The following TSC1 variants were observed in gnomAD, a reference collection of about 807,000 sequenced individuals.
TSC1 encodes the protein TSC complex subunit 1.
In TSC1, 20 loss-of-function variants were observed where a neutral mutation model predicts 124.3. The observed-to-expected ratio is 0.16, with a 90% CI of 0.11 to 0.23. The LOEUF (loss-of-function observed/expected upper bound fraction) is 0.23, where lower values mean the gene tolerates loss of function less well. Ranked by LOEUF, TSC1 falls within the 10% of genes least tolerant of loss-of-function variation. TSC1 has a pLI of 1.00. For missense variants in TSC1, 1,124 were observed against 1,448.5 expected (o/e 0.78, Z 3.64); for synonymous variants, 493 against 539.1 (o/e 0.91, Z 1.19).
chr9:132,896,374 G>A lies in TSC1; in HGVS notation c.3356C>T (p.Thr1119Ile), dbSNP rs775420987. ...CACACCCAAGTCTTTGCCCAGTTCT[G>A]TCTTTAGGCTCTCAGAAAGGCTACT... Reference protein sequence around the residue: ...MTSSLSESLKTELGKDLGVEA... With the variant: ...MTSSLSESLKIELGKDLGVEA... Residue 1119 changes from threonine (T) to isoleucine (I), a missense_variant, in exon 23 of 23, where the codon ACA (threonine) becomes ATA (isoleucine). Transcript: ENST00000298552. The surrounding 1 kb of genome is among the most constrained non-coding windows in gnomAD (Gnocchi z 4.5). 9 of 1,614,050 alleles carry A rather than the reference G, an allele frequency of 5.6e-6. No homozygotes were observed. In the Admixed American group the frequency reaches 1.5e-4, roughly 27 times the overall value.
intron 3 of TSC1, 49 bp from the exon 4 acceptor site, chr9:132,927,353 T>A (rs2132273184): frequency 6.5e-7 from 1 of 1,543,506 alleles, no homozygotes; most frequent in Non-Finnish European, 8.9e-7. Flanking sequence ...CTTAACATCC[T>A]AAATTTACCT....
intron 2 of TSC1, among the ~76,000 whole-genome samples, chr9:132,929,365 C>T (rs1482118227): frequency 6.6e-6 from 1 of 152,212 alleles, no homozygotes; most frequent in Non-Finnish European, 1.5e-5. Context: ...TCCTTCTTGA[C>T]AGTCTCATCA....
intron 2 of TSC1, chr9:132,934,690 A>G: frequency 5.1e-6 from 1 of 194,776 alleles, no homozygotes; most frequent in Middle Eastern, 2.0e-3. Context: ...TCACAACCAA[A>G]CTTTGCTGCT....
chr9:132,899,183 A>T (rs939568762), intron 20 of TSC1: 1 of 152,204 alleles, frequency 6.6e-6, no homozygotes, highest in African/African-American at 2.4e-5. Flanking sequence ...GCCTCGGCCT[A>T]CCAAAGTGCT....
chr9:132,937,477 C>T (rs1029891904), intron 1 of TSC1, among the ~76,000 whole-genome samples: 2 of 152,188 alleles, frequency 1.3e-5, no homozygotes, highest in Non-Finnish European at 2.9e-5. Context: ...AGTGCAAGAG[C>T]CTCTAATCTT....
At chr9:132,929,026 C>T (rs1847054247) in intron 2 of TSC1, 74 bp from the exon 3 acceptor site, 1 of 1,316,222 alleles carries the variant, frequency 7.6e-7, no homozygotes. Context: ...ACCTGCAAGA[C>T]AAACTAATGC....
rs1845916397 is a variant in TSC1, at chr9:132,910,822, GTCTC to G, written c.1142-134_1142-131del. On this transcript the variant is annotated intron_variant, in intron 11 of 22. Transcript: ENST00000298552. Reference sequence around the variant, plus strand: ...GTTAACTTTCTGGGGATCTAGATCAGTCTCTCTCTTTTTTGTTTTTAGGTTCACT... The same window carrying G: ...GTTAACTTTCTGGGGATCTAGATCAGTCTCTTTTTTGTTTTTAGGTTCACT... 4 of 1,436,316 alleles carry G rather than the reference GTCTC, an allele frequency of 2.8e-6. No homozygotes were observed. The African/African-American group carries it at 4.2e-5, about 15-fold the overall frequency. The allele number at this position is 1,436,316 out of a possible 1,614,324, so 89.0% of individuals were successfully genotyped here.
intron 15 of TSC1, among the ~76,000 whole-genome samples, 166 bp from the exon 16 acceptor site, chr9:132,904,620 ACAC>A (rs1845560772): frequency 1.8e-5 from 2 of 108,406 alleles, no homozygotes; most frequent in African/African-American, 7.8e-5. Context: ...GGAGAAGCCT[ACAC>A]TGGACACAAT....
chr9:132,914,776 C>A (rs1168647217), intron 8 of TSC1, among the ~76,000 whole-genome samples: 2 of 151,074 alleles, frequency 1.3e-5, no homozygotes, highest in East Asian at 3.9e-4. Context: ...GGCTAAGACT[C>A]GAGAATCACT....
intron 8 of TSC1, among the ~76,000 whole-genome samples, chr9:132,916,155 T>C (rs1262054712): frequency 1.3e-5 from 2 of 152,258 alleles, no homozygotes; most frequent in African/African-American, 4.8e-5. Context: ...TCTAATCAAA[T>C]GCATGTTAGT....
chr9:132,903,250 C>T lies in TSC1; in HGVS notation c.2208+401G>A, dbSNP rs1845475747. Reference sequence around the variant, plus strand: ...GGCTAACAGAGGCTTCAAGAGGCCACGTTACTTTTCTAAGGTAACACTGGT... The same window carrying T: ...GGCTAACAGAGGCTTCAAGAGGCCATGTTACTTTTCTAAGGTAACACTGGT... On this transcript the variant is annotated intron_variant, in intron 17 of 22. Transcript: ENST00000298552. This position sits in a 1 kb window ranked among gnomAD's most constrained non-coding sequence, Gnocchi z 5.9. 6.6e-6 allele frequency among the ~76,000 whole-genome samples: 1 copy of T among 152,232 alleles called. No individual in the cohort carries two copies. Among genetic ancestry groups the T allele is most frequent in the African/African-American group, 2.4e-5 (1 of 41,460 alleles).
At chr9:132,916,900 C>T (rs985015611) in intron 8 of TSC1, among the ~76,000 whole-genome samples, 6 of 152,152 alleles carry the variant, frequency 3.9e-5, no homozygotes, top group Admixed American at 1.3e-4. Flanking sequence ...CTCCTGGATT[C>T]GGTCTTCCTC....
chr9:132,895,917 G>A lies in TSC1; in HGVS notation c.*318C>T. ...ATTAAATTTGGCCTCATATTGCACA[G>A]GTTCAAAGGACGCAACCATTTGGGG... On this transcript the variant is annotated 3_prime_UTR_variant, in exon 23 of 23. Transcript: ENST00000298552. The A allele has an allele frequency of 2.2e-6, 1 of 452,518 alleles. No homozygotes were observed. The allele number at this position is 452,518 out of a possible 1,614,324, so 28.0% of individuals were successfully genotyped here. A position where few individuals can be genotyped will look rare whatever the true frequency, so the allele number is the denominator to read the frequency against.
intron 3 of TSC1, among the ~76,000 whole-genome samples, chr9:132,928,083 G>T (rs2132284562): frequency 6.6e-6 from 1 of 152,252 alleles, no homozygotes; most frequent in South Asian, 2.1e-4. Flanking sequence ...TGAACAGTAT[G>T]TTGTAACCAC....
intron 1 of TSC1, chr9:132,940,729 C>T (rs1188582086): frequency 6.6e-6 from 1 of 152,168 alleles, no homozygotes; most frequent in East Asian, 1.9e-4. Flanking sequence ...GTGTTTGGCA[C>T]ATGAGTACTC....
rs1333240738 is a variant in TSC1 at position 132,896,090 on chromosome 9, A to T, written c.*145T>A. 1 of 1,229,754 alleles carries T rather than the reference A, an allele frequency of 8.1e-7. No homozygotes were observed. The highest frequency in any genetic ancestry group is 1.2e-6 in the Non-Finnish European group (1 of 851,008). The allele number at this position is 1,229,754 out of a possible 1,614,324, so 76.2% of individuals were successfully genotyped here. A position where few individuals can be genotyped will look rare whatever the true frequency, so the allele number is the denominator to read the frequency against. On this transcript the variant is annotated 3_prime_UTR_variant, in exon 23 of 23. Transcript: ENST00000298552. This position sits in a 1 kb window ranked among gnomAD's most constrained non-coding sequence, Gnocchi z 4.5. The stretch of plus-strand genomic sequence containing the variant: ...CAGATCCAAAAACCGTTCTGCATTC[A>T]GTCAGCTGTCCAAAGGACCTCCGTC...
chr9:132,944,634 G>C, upstream of TSC1: 1 of 398,820 alleles, frequency 2.5e-6, no homozygotes, highest in Non-Finnish European at 4.4e-6. Context: ...CCCCCGTCGT[G>C]AAAGGGCCAA....
rs115091888 is a variant in TSC1 at position 132,895,946 on chromosome 9, A to G, written c.*289T>C. The G allele has an allele frequency of 6.3e-5, 9 of 143,284 alleles. No homozygotes were observed. The highest frequency in any genetic ancestry group is 1.3e-4 in the South Asian group (1 of 7,558). 8.9% of individuals were successfully genotyped at this position (143,284 alleles called of 1,614,324 possible). The stretch of plus-strand genomic sequence containing the variant: ...CAAAGGACGCAACCATTTGGGGGGG[A>G]AAGGAAGAAAGTAAAGCTACTGAGG... On this transcript the variant is annotated 3_prime_UTR_variant, in exon 23 of 23. Coordinates refer to ENST00000298552, the MANE Select transcript of TSC1 (RefSeq NM_000368.5).
At position 132,911,118 on chromosome 9, in the gene TSC1, G is replaced by A. The variant is rs1588323218; in HGVS notation, c.1030-5C>T. ...AGATGGGCTCCAAAGAGTAGCCTGG[G>A]AAGTTAATAAAGTACATCAGCAGTG... On this transcript the variant is annotated splice_region_variant and splice_polypyrimidine_tract_variant and intron_variant, in intron 10 of 22. Coordinates refer to ENST00000298552, the MANE Select transcript of TSC1 (RefSeq NM_000368.5). 6.2e-7 allele frequency: 1 copy of A among 1,610,002 alleles called. No homozygotes were observed. Among genetic ancestry groups the A allele is most frequent in the Non-Finnish European group, 8.5e-7 (1 of 1,176,282 alleles).
Sources: allele counts gnomAD v4.1 joint callset (sites outside exome capture counted in the v4.1 genomes callset), GRCh38; gene constraint gnomAD v4.1.1; non-coding constraint Gnocchi (gnomAD v3.1); transcripts MANE v1.5; gene names NCBI Gene and HGNC (gene_info 2026-07-23, HGNC 2026-07-21).